The following DYNLL1 variants were observed in gnomAD, a reference collection of about 807,000 sequenced individuals.
The protein encoded by DYNLL1 is dynein light chain LC8-type 1.
DYNLL1 carries 3 observed loss-of-function variants against 10.1 expected under a neutral mutation model. The ratio of observed to expected loss-of-function variants is 0.30; its 90% confidence interval spans 0.14 to 0.77. DYNLL1 has a LOEUF of 0.77. Among genes scored for constraint, DYNLL1 ranks in the 30% least tolerant of loss-of-function variants. The probability of loss-of-function intolerance (pLI) is 0.66; values close to 1 mark genes in which losing one functional copy is unlikely to be tolerated. For missense variants in DYNLL1, 47 were observed against 111.7 expected (o/e 0.42, Z 2.61); for synonymous variants, 46 against 41.2 (o/e 1.12, Z -0.45).
rs189481779 is a variant in DYNLL1, at chr12:120,485,791, C to T, written c.-6-10625C>T. On this transcript the variant is annotated intron_variant, in intron 1 of 2. Coordinates refer to the DYNLL1 transcript ENST00000392509. ...GGGAGTTTGAGGCTGTAGTGAGGTA[C>T]GATCGCACCACTACACCCTAGCCTA... Among the ~76,000 whole-genome samples, 227 of 137,578 alleles carry T rather than the reference C, an allele frequency of 1.6e-3. 1 individual carries two copies. Among genetic ancestry groups the T allele is most frequent in the Non-Finnish European group, 2.3e-3 (150 of 66,122 alleles). The allele number at this position is 137,578 out of a possible 152,430, so 90.3% of individuals were successfully genotyped here.
At chr12:120,492,805 G>C (rs1879164483), upstream of DYNLL1, among the ~76,000 whole-genome samples, 1 of 152,190 alleles carries the variant, frequency 6.6e-6, no homozygotes. The surrounding 1 kb of genome is among the most constrained non-coding windows in gnomAD (Gnocchi z 4.1). Context: ...CAAAATGTGT[G>C]ATGCTACAGA....
chr12:120,490,038 G>A (rs1277720327), intron 1 of DYNLL1, among the ~76,000 whole-genome samples: 3 of 152,226 alleles, frequency 2.0e-5, no homozygotes, highest in Admixed American at 6.5e-5. Context: ...GTAAGCCACC[G>A]TGCCTGGCCT....
chr12:120,496,678 T>C, intron 2 of DYNLL1, 125 bp downstream of exon 2: 1 of 1,532,740 alleles, frequency 6.5e-7, no homozygotes, highest in South Asian at 1.1e-5. Context: ...CGTAGAAGCT[T>C]CCAGAAAGGA....
chr12:120,470,691 C>A (rs967122519), intron 1 of DYNLL1, among the ~76,000 whole-genome samples: 1 of 151,134 alleles, frequency 6.6e-6, no homozygotes, highest in Non-Finnish European at 1.5e-5. Context: ...CCAGCCTTGG[C>A]CTCCCAAAGT....
chr12:120,492,298 G>A (rs575730106), upstream of DYNLL1, among the ~76,000 whole-genome samples: 3 of 152,212 alleles, frequency 2.0e-5, no homozygotes, highest in South Asian at 6.2e-4. This position sits in a 1 kb window ranked among gnomAD's most constrained non-coding sequence, Gnocchi z 4.1. Flanking sequence ...AACCTATAAC[G>A]AAGATGTGAT....
intron 1 of DYNLL1, among the ~76,000 whole-genome samples, chr12:120,471,090 G>A (rs1175794323): frequency 1.3e-5 from 2 of 151,208 alleles, no homozygotes; most frequent in South Asian, 2.1e-4. Flanking sequence ...CTGGCTGGGC[G>A]TGGTGGCTCA....
intron 1 of DYNLL1, among the ~76,000 whole-genome samples, chr12:120,472,814 G>A (rs1878679066): frequency 6.6e-6 from 1 of 152,184 alleles, no homozygotes; most frequent in Non-Finnish European, 1.5e-5. Flanking sequence ...ATTAGATAGA[G>A]CACAGCTAAA....
At chr12:120,475,017 G>C (rs776506359) in intron 1 of DYNLL1, among the ~76,000 whole-genome samples, 2 of 152,212 alleles carry the variant, frequency 1.3e-5, no homozygotes, top group Admixed American at 6.5e-5. Context: ...AGGTTTGGAA[G>C]AGAGTTTGGA....
rs1450243890 is a variant in DYNLL1, at chr12:120,496,205, C to T, written c.-18C>T. 2.9e-6 allele frequency: 2 copies of T among 682,294 alleles called. No individual in the cohort carries two copies. The highest frequency in any genetic ancestry group is 1.8e-5 in the African/African-American group (1 of 55,210). 42.3% of individuals were successfully genotyped at this position (682,294 alleles called of 1,614,324 possible). A position where few individuals can be genotyped will look rare whatever the true frequency, so the allele number is the denominator to read the frequency against. On this transcript the variant is annotated 5_prime_UTR_variant, in exon 1 of 3. Transcript: ENST00000242577. ...AGGAGACCGTTGCAGTCGGCCAGCC[C>T]CCTTCTCCACGGTGAGAAACTCGGG...
chr12:120,494,290 C>CTTT (rs550901143), upstream of DYNLL1, among the ~76,000 whole-genome samples: 1 of 141,666 alleles, frequency 7.1e-6, no homozygotes, highest in Non-Finnish European at 1.5e-5. Flanking sequence ...CATTTTTTTC[C>CTTT]TTTTTTTTTT....
intron 1 of DYNLL1, among the ~76,000 whole-genome samples, chr12:120,489,871 C>T (rs912525626): frequency 2.6e-5 from 4 of 152,170 alleles, no homozygotes; most frequent in Admixed American, 2.0e-4. Flanking sequence ...CCTCAGCCTC[C>T]CAAGTAGCTG....
chr12:120,481,754 G>A (rs1878883551), intron 1 of DYNLL1, among the ~76,000 whole-genome samples: 1 of 152,232 alleles, frequency 6.6e-6, no homozygotes, highest in Admixed American at 6.5e-5. Context: ...GAGGTTGGGG[G>A]AAGGAGCTGA....
At chr12:120,479,341 C>T (rs1480553129) in intron 1 of DYNLL1, among the ~76,000 whole-genome samples, 1 of 150,504 alleles carries the variant, frequency 6.6e-6, no homozygotes, top group East Asian at 2.0e-4. Flanking sequence ...GTAATCCCAG[C>T]TACTCAGGAG....
At chr12:120,482,884 G>T (rs1025553935) in intron 1 of DYNLL1, among the ~76,000 whole-genome samples, 1 of 151,336 alleles carries the variant, frequency 6.6e-6, no homozygotes, top group African/African-American at 2.4e-5. Context: ...TTCGAGACCA[G>T]CCTGGGCAAG....
At chr12:120,479,459 A>T (rs1303555772) in intron 1 of DYNLL1, among the ~76,000 whole-genome samples, 11 of 132,152 alleles carry the variant, frequency 8.3e-5, no homozygotes, top group African/African-American at 3.1e-4. Context: ...CAAAAAAAAA[A>T]AAAAAAAAAA....
intron 1 of DYNLL1, among the ~76,000 whole-genome samples, chr12:120,484,879 C>T (rs996465184): frequency 2.0e-5 from 3 of 152,034 alleles, no homozygotes; most frequent in African/African-American, 7.2e-5. Flanking sequence ...AAGTAGCCTA[C>T]AGGCACGCAA....
intron 1 of DYNLL1, among the ~76,000 whole-genome samples, chr12:120,479,468 A>AAATAAT (rs758249930): frequency 8.2e-5 from 9 of 109,600 alleles, no homozygotes; most frequent in African/African-American, 1.7e-4. Flanking sequence ...AAAAAAAAAA[A>AAATAAT]AATAATAATA....
At chr12:120,479,808 C>T (rs1878844064) in intron 1 of DYNLL1, among the ~76,000 whole-genome samples, 1 of 152,184 alleles carries the variant, frequency 6.6e-6, no homozygotes, top group African/African-American at 2.4e-5. Context: ...CTTCCTTGCA[C>T]TAGTGCCACA....
chr12:120,474,610 C>T (rs1023305045), intron 1 of DYNLL1, among the ~76,000 whole-genome samples: 5 of 152,226 alleles, frequency 3.3e-5, no homozygotes, highest in South Asian at 4.1e-4. Flanking sequence ...AAACCAACAA[C>T]GCCAGGCATA....
Sources: gnomAD v4.1 joint callset for allele counts (sites outside exome capture counted in the v4.1 genomes callset) on GRCh38, gnomAD v4.1.1 for gene constraint, Gnocchi (gnomAD v3.1) non-coding constraint, MANE v1.5 for transcripts, NCBI Gene and HGNC (gene_info 2026-07-23, HGNC 2026-07-21) for gene names.